The following TAFA5 variants were observed in gnomAD, a reference collection of about 807,000 sequenced individuals.
TAFA5 encodes TAFA chemokine like family member 5.
A neutral mutation model predicts 15.3 loss-of-function variants in TAFA5; 6 were observed. That is an observed-to-expected ratio of 0.39 (90% confidence interval 0.21 to 0.77). The LOEUF is 0.77. TAFA5 is among the 30% of genes least tolerant of loss of function. TAFA5 has a pLI of 0.41. For synonymous variants in TAFA5, 103 were observed against 80.7 expected (o/e 1.28, Z -1.48); for missense variants, 161 against 193.1 (o/e 0.83, Z 0.98).
chr22:48,551,717 C>T (rs1379410217), intron 1 of TAFA5, among the ~76,000 whole-genome samples: 1 of 152,078 alleles, frequency 6.6e-6, no homozygotes, highest in African/African-American at 2.4e-5. Context: ...GAAGCAGGTG[C>T]AGGAGGGGAG....
chr22:48,510,624 C>T (rs1921176153), intron 1 of TAFA5, among the ~76,000 whole-genome samples: 1 of 152,214 alleles, frequency 6.6e-6, no homozygotes. Context: ...GGTGGGGGAA[C>T]CTGGCTGTGT....
At chr22:48,518,500 GGAAAAC>G (rs1287304615) in intron 1 of TAFA5, among the ~76,000 whole-genome samples, 1 of 152,178 alleles carries the variant, frequency 6.6e-6, no homozygotes, top group Non-Finnish European at 1.5e-5. Flanking sequence ...CATGCCCTCA[GGAAAAC>G]GAGGGCTCTT....
chr22:48,583,015 C>T (rs898437102), intron 1 of TAFA5, among the ~76,000 whole-genome samples: 3 of 142,862 alleles, frequency 2.1e-5, no homozygotes, highest in African/African-American at 7.9e-5. Context: ...ACAAAATACA[C>T]CACACACCAC....
chr22:48,615,472 TGGGGGCCATGCTCGCCTTCCTG>T (rs1925567726), intron 1 of TAFA5, among the ~76,000 whole-genome samples: 1 of 152,234 alleles, frequency 6.6e-6, no homozygotes, highest in Non-Finnish European at 1.5e-5. Flanking sequence ...CGCCTAGCTG[TGGGGGCCATGCTCGCCTTCCTG>T]GGGGGCTCCC....
intron 1 of TAFA5, among the ~76,000 whole-genome samples, chr22:48,588,426 G>A (rs1285023760): frequency 1.3e-5 from 2 of 152,204 alleles, no homozygotes; most frequent in East Asian, 3.9e-4. Flanking sequence ...GTCCTGAAAG[G>A]CTCTGCTGAG....
chr22:48,512,225 T>C (rs7354789), intron 1 of TAFA5, among the ~76,000 whole-genome samples: 113,307 of 152,154 alleles, frequency 0.74, 43,476 homozygotes, highest in Middle Eastern at 0.9. Context: ...ACAGTGGGGC[T>C]GGCCCCTTCG....
chr22:48,741,216 G>C (rs570783446), intron 3 of TAFA5, among the ~76,000 whole-genome samples: 1 of 152,044 alleles, frequency 6.6e-6, no homozygotes, highest in Non-Finnish European at 1.5e-5. Context: ...CCTGCCCCCC[G>C]TTCCCACACT....
intron 1 of TAFA5, among the ~76,000 whole-genome samples, chr22:48,495,695 C>G (rs1451647987): frequency 6.6e-6 from 1 of 152,234 alleles, no homozygotes; most frequent in Non-Finnish European, 1.5e-5. Context: ...CACACCTGCT[C>G]TCCCTCCTGA....
intron 1 of TAFA5, among the ~76,000 whole-genome samples, chr22:48,575,550 G>A (rs1923743303): frequency 6.8e-6 from 1 of 146,078 alleles, no homozygotes; most frequent in African/African-American, 2.5e-5. Context: ...GGCGTCCCGC[G>A]GGCGGCGAGG....
chr22:48,650,224 C>G (rs1927004343), intron 2 of TAFA5, among the ~76,000 whole-genome samples: 1 of 152,176 alleles, frequency 6.6e-6, no homozygotes, highest in Non-Finnish European at 1.5e-5. Flanking sequence ...CACTTGCTGC[C>G]CCTACCGCGT....
intron 1 of TAFA5, among the ~76,000 whole-genome samples, chr22:48,493,059 A>G (rs1014710462): frequency 6.6e-6 from 1 of 152,210 alleles, no homozygotes; most frequent in South Asian, 2.1e-4. Context: ...CATCTAGGAT[A>G]GAACAGCAGC....
rs1050890250 is a variant in TAFA5 at position 48,717,161 on chromosome 22, G to T, written c.390+9317G>T. ...AGATGAAAAACATCCCCAAAACTCA[G>T]AGGGAAAAACCAGGTCATGGGCAAA... On this transcript the variant is annotated intron_variant, in intron 3 of 3. Coordinates refer to ENST00000402357, the MANE Select transcript of TAFA5 (RefSeq NM_001082967.3). 3.3e-5 allele frequency among the ~76,000 whole-genome samples: 5 copies of T among 152,340 alleles called. No homozygotes were observed. In the Middle Eastern group the frequency reaches 0.01, roughly 311 times the overall value.
intron 1 of TAFA5, among the ~76,000 whole-genome samples, chr22:48,574,814 C>T (rs1923703804): frequency 2.0e-5 from 3 of 152,204 alleles, no homozygotes; most frequent in Admixed American, 6.5e-5. Context: ...ACACCTGTGC[C>T]CCCTGCTCTG....
At chr22:48,504,581 G>C (rs574506770) in intron 1 of TAFA5, among the ~76,000 whole-genome samples, 9 of 151,950 alleles carry the variant, frequency 5.9e-5, no homozygotes, top group South Asian at 2.1e-4. Context: ...TTATCATTTG[G>C]GGGGAAGGAC....
chr22:48,576,572 G>A (rs1320227041), intron 1 of TAFA5: 6 of 1,482,328 alleles, frequency 4.0e-6, no homozygotes, highest in South Asian at 1.3e-5. Flanking sequence ...CTCAAAGAAG[G>A]TAATTGTCCC....
At chr22:48,623,074 C>G (rs1925896016) in intron 1 of TAFA5, among the ~76,000 whole-genome samples, 1 of 152,266 alleles carries the variant, frequency 6.6e-6, no homozygotes, top group Non-Finnish European at 1.5e-5. Flanking sequence ...CTCGGCCCTG[C>G]AGCAATGTGT....
Position 48,542,369 on chromosome 22 carries a change from G to A in TAFA5, c.112+52665G>A, listed in dbSNP as rs376527904. Among the ~76,000 whole-genome samples, 968 of 131,232 alleles carry A rather than the reference G, an allele frequency of 7.4e-3. 15 individuals are homozygous for A. Among genetic ancestry groups the A allele is most frequent in the African/African-American group, 0.026 (897 of 34,202 alleles). The allele number at this position is 131,232 out of a possible 152,430, so 86.1% of individuals were successfully genotyped here. On this transcript the variant is annotated intron_variant, in intron 1 of 3. Transcript: ENST00000402357. The stretch of plus-strand genomic sequence containing the variant: ...GGTGTGTGTGCATATGTGTGTGTGC[G>A]GGTGTGTGGTGTGTGTGTGTGGTGT...
chr22:48,665,916 A>G (rs1927593051), intron 2 of TAFA5, among the ~76,000 whole-genome samples: 1 of 151,820 alleles, frequency 6.6e-6, no homozygotes. Flanking sequence ...GTGGGGAGGT[A>G]GATAGCTGCT....
In TAFA5 at chr22:48,646,723, G is replaced by A. The variant is rs760214327; in HGVS notation, c.239G>A (p.Arg80Lys). ...AAGGGGCAGATCGCCGGCACCACGA[G>A]AGCCCGGCCCGCCTGTGTGGACGGT... ...CRKGQIAGTT[R>K]ARPACVDARI... The change falls in exon 2 of 4, where the codon AGA (arginine) becomes AAA (lysine). Residue 80 changes from arginine (R) to lysine (K), a missense_variant. Arg to Lys is a conservative substitution (Grantham distance 26, BLOSUM62 2). Coordinates refer to ENST00000402357, the MANE Select transcript of TAFA5 (RefSeq NM_001082967.3). 1.3e-6 allele frequency: 2 copies of A among 1,587,634 alleles called. No individual in the cohort carries two copies. The highest frequency in any genetic ancestry group is 1.1e-5 in the South Asian group (1 of 89,248).
Sources: gnomAD v4.1 joint callset for allele counts (sites outside exome capture counted in the v4.1 genomes callset) on GRCh38, gnomAD v4.1.1 for gene constraint, MANE v1.5 for transcripts, NCBI Gene and HGNC (gene_info 2026-07-23, HGNC 2026-07-21) for gene names.